Variants in RETREG3 observed in about 807,000 individuals in gnomAD.
The protein encoded by RETREG3 is reticulophagy regulator 3.
In RETREG3, 23 loss-of-function variants were observed where a neutral mutation model predicts 50.2. The observed-to-expected ratio is 0.46, with a 90% CI of 0.33 to 0.65. The LOEUF is 0.65. RETREG3 is among the 30% of genes least tolerant of loss of function. The pLI, the probability that RETREG3 is intolerant of heterozygous loss-of-function variation, is 0.02. For missense variants in RETREG3, 546 were observed against 598.0 expected (o/e 0.91, Z 0.91); for synonymous variants, 240 against 234.4 (o/e 1.02, Z -0.22).
intron 1 of RETREG3, among the ~76,000 whole-genome samples, chr17:42,608,461 A>T (rs2093172480): frequency 6.6e-6 from 1 of 152,226 alleles, no homozygotes; most frequent in South Asian, 2.1e-4. Flanking sequence ...GAGGAGTTAC[A>T]ATCACAGGTG....
intron 1 of RETREG3, among the ~76,000 whole-genome samples, chr17:42,607,499 C>CAA (rs34542887): frequency 0.48 from 22,246 of 46,632 alleles, 5,348 homozygotes; most frequent in South Asian, 0.57. Flanking sequence ...GACCTTGTCT[C>CAA]AAAAAAAAAA....
chr17:42,596,417 GT>G (rs1181167420), intron 1 of RETREG3: 1 of 124,092 alleles, frequency 8.1e-6, no homozygotes, highest in African/African-American at 3.0e-5. Context: ...AAATGTTTTA[GT>G]TTTTTTCTTA....
chr17:42,596,948 C>A (rs1163290768), intron 1 of RETREG3, among the ~76,000 whole-genome samples: 2 of 151,142 alleles, frequency 1.3e-5, no homozygotes, highest in Non-Finnish European at 2.9e-5. Flanking sequence ...TCTTGGCTCA[C>A]TGCAACCTCT....
chr17:42,605,380 T>G (rs1265110481), intron 1 of RETREG3: 2 of 152,304 alleles, frequency 1.3e-5, no homozygotes, highest in Admixed American at 1.3e-4. Flanking sequence ...ATTTCAGATT[T>G]GATTTTTCTG....
chr17:42,589,102 T>G (rs1471746392), intron 2 of RETREG3, among the ~76,000 whole-genome samples: 1 of 95,674 alleles, frequency 1.0e-5, no homozygotes, highest in Non-Finnish European at 2.2e-5. Context: ...ACCCTGTCTC[T>G]AACCAAAAAA....
chr17:42,582,404 C>A, intron 8 of RETREG3, 134 bp from the exon 9 acceptor site: 1 of 898,862 alleles, frequency 1.1e-6, no homozygotes, highest in Non-Finnish European at 1.7e-6. Flanking sequence ...TACCTTTCCC[C>A]TCCACTTATA....
At chr17:42,606,200 T>C (rs1475822031) in intron 1 of RETREG3, among the ~76,000 whole-genome samples, 2 of 151,984 alleles carry the variant, frequency 1.3e-5, no homozygotes, top group Admixed American at 6.6e-5. Context: ...CCTCTAAACA[T>C]AGCATGTTAA....
intron 1 of RETREG3, among the ~76,000 whole-genome samples, chr17:42,604,223 A>G (rs866781435): frequency 5.3e-5 from 8 of 152,180 alleles, no homozygotes; most frequent in Non-Finnish European, 1.0e-4. Flanking sequence ...AACAAATTCT[A>G]TAATAACCTC....
At chr17:42,582,849 C>G in intron 7 of RETREG3, 43 bp from the exon 8 acceptor site, 1 of 1,612,660 alleles carries the variant, frequency 6.2e-7, no homozygotes, top group Non-Finnish European at 8.5e-7. Context: ...CCATCAGGAA[C>G]CAGGTGTAGT....
upstream of RETREG3, chr17:42,609,392 T>G: frequency 6.7e-7 from 1 of 1,484,806 alleles, no homozygotes; most frequent in Non-Finnish European, 9.0e-7. Context: ...ACTGCGCAGA[T>G]GCGCGATTCG....
Position 42,579,897 on chromosome 17 carries a change from T to A in RETREG3, c.*1916A>T, listed in dbSNP as rs2093103684. ...CTCCCTGGCCTCTGTACCTTCTCCA[T>A]CAACCAAGAGCAAACATGTCAGCAC... On this transcript the variant is annotated 3_prime_UTR_variant, in exon 9 of 9. Transcript: ENST00000309428. 1 of 152,900 alleles carries A rather than the reference T, an allele frequency of 6.5e-6. No individual in the cohort carries two copies. The allele number at this position is 152,900 out of a possible 1,614,324, so 9.5% of individuals were successfully genotyped here. A position where few individuals can be genotyped will look rare whatever the true frequency, so the allele number is the denominator to read the frequency against.
intron 1 of RETREG3, among the ~76,000 whole-genome samples, chr17:42,597,976 G>GT (rs869196773): frequency 0.029 from 2,808 of 95,840 alleles, 125 homozygotes; most frequent in African/African-American, 0.055. Context: ...TTCCTCTGAA[G>GT]TTTTTTTTTT....
At chr17:42,590,580 G>A (rs1437986058) in intron 2 of RETREG3, among the ~76,000 whole-genome samples, 1 of 151,988 alleles carries the variant, frequency 6.6e-6, no homozygotes, top group East Asian at 1.9e-4. Flanking sequence ...GCTAAGGTGG[G>A]AGAATTGCTG....
chr17:42,607,215 T>G lies in RETREG3; in HGVS notation c.239+1871A>C, dbSNP rs931300816. ...TACCTAGGGGTCAAGGAAGAAGCAC[T>G]TGGCTGGGCACGGTGGCTCATGCCT... On this transcript the variant is annotated intron_variant, in intron 1 of 8. Coordinates refer to ENST00000309428, the MANE Select transcript of RETREG3 (RefSeq NM_178126.4). Among the ~76,000 whole-genome samples the G allele has an allele frequency of 2.6e-5, 4 of 151,980 alleles. No homozygotes were observed. The South Asian group carries it at 8.3e-4, about 32-fold the overall frequency.
intron 1 of RETREG3, among the ~76,000 whole-genome samples, chr17:42,608,333 T>G (rs1454957653): frequency 6.6e-6 from 1 of 152,126 alleles, no homozygotes; most frequent in Non-Finnish European, 1.5e-5. Context: ...CACACACAAA[T>G]AAAGCATATT....
At chr17:42,586,935 G>A in intron 3 of RETREG3, 44 bp from the exon 4 acceptor site, 1 of 1,606,056 alleles carries the variant, frequency 6.2e-7, no homozygotes, top group Non-Finnish European at 8.5e-7. Context: ...GGGTGTTGAG[G>A]GTCCCCCCAT....
chr17:42,582,452 A>G (rs916600342), intron 8 of RETREG3, among the ~76,000 whole-genome samples, 182 bp from the exon 9 acceptor site: 1 of 152,122 alleles, frequency 6.6e-6, no homozygotes, highest in African/African-American at 2.4e-5. Context: ...CCTCTCTTCT[A>G]TGTCCCCTGT....
At position 42,582,190 on chromosome 17, in the gene RETREG3, C is replaced by T. The variant is rs758899525; in HGVS notation, c.1024G>A (p.Gly342Ser). ...DFPSINMDPAGLDDEDDTSIG... is the reference protein window; with the variant it reads ...DFPSINMDPASLDDEDDTSIG... ...CTAGTGTCGTCCTCATCATCCAGGC[C>T]AGCAGGATCCATATTAATGGAAGGG... is the stretch of plus-strand genomic sequence containing the variant. The change falls in exon 9 of 9, where the codon GGC becomes AGC. Residue 342 changes from glycine to serine, a missense_variant. By Grantham distance (56) the Gly-to-Ser change is moderately conservative (BLOSUM62 0). Coordinates refer to ENST00000309428, the MANE Select transcript of RETREG3 (RefSeq NM_178126.4). 33 of 1,613,814 alleles carry T rather than the reference C, an allele frequency of 2.0e-5. No individual in the cohort carries two copies. Among genetic ancestry groups the T allele is most frequent in the Non-Finnish European group, 2.6e-5 (31 of 1,180,040 alleles).
intron 4 of RETREG3, chr17:42,586,550 A>G (rs1161111788): frequency 1.9e-6 from 1 of 512,844 alleles, no homozygotes; most frequent in East Asian, 3.6e-5. Context: ...AAACGGCCTC[A>G]TCTAAGTGGC....
Sources: gnomAD v4.1 joint callset for allele counts (sites outside exome capture counted in the v4.1 genomes callset) on GRCh38, gnomAD v4.1.1 for gene constraint, MANE v1.5 for transcripts, NCBI Gene and HGNC (gene_info 2026-07-23, HGNC 2026-07-21) for gene names.